Variants in SMG1 observed in about 807,000 individuals in gnomAD.
The protein encoded by SMG1 is SMG1 nonsense mediated mRNA decay associated PI3K related kinase, also known as serine/threonine-protein kinase SMG1.
SMG1 carries 22 observed loss-of-function variants against 419.9 expected under a neutral mutation model. The ratio of observed to expected loss-of-function variants is 0.05; its 90% confidence interval spans 0.04 to 0.07. SMG1 has a LOEUF of 0.07. Ranked by LOEUF, SMG1 falls within the 10% of genes least tolerant of loss-of-function variation. The pLI is 1.00. For missense variants in SMG1, 3,185 were observed against 4,342.0 expected, an observed-to-expected ratio of 0.73 and a Z score of 7.49; for synonymous variants, 1,538 against 1,553.5, an observed-to-expected ratio of 0.99 and a Z score of 0.23.
At chr16:18,837,818 G>A (rs2033675609) in intron 45 of SMG1, among the ~76,000 whole-genome samples, 196 bp downstream of exon 45, 1 of 152,174 alleles carries the variant, frequency 6.6e-6, no homozygotes, top group Admixed American at 6.5e-5. Context: ...AGTGTGGAAT[G>A]TAACTGTGCA....
Position 18,865,642 on chromosome 16 carries a change from G to A in SMG1, c.3350+979C>T, listed in dbSNP as rs1335695657. ...ACAAATCTTTATTAAAAATAACACT[G>A]TAGAATATTTAACATGGCAATTTTT... On this transcript the variant is annotated intron_variant, in intron 23 of 62. Transcript: ENST00000446231. Among the ~76,000 whole-genome samples, 3 of 150,630 alleles carry A rather than the reference G, an allele frequency of 2.0e-5. No homozygotes were observed. The East Asian group carries it at 5.8e-4, about 29-fold the overall frequency.
At chr16:18,821,545 G>A (rs1261241731) in intron 55 of SMG1, among the ~76,000 whole-genome samples, 1 of 3,164 alleles carries the variant, frequency 3.2e-4, no homozygotes, top group East Asian at 1.8e-3. Context: ...GAGAATGATG[G>A]TTTCCAATTT....
At chr16:18,910,363 T>C (rs1020197238) in intron 1 of SMG1, among the ~76,000 whole-genome samples, 1 of 151,832 alleles carries the variant, frequency 6.6e-6, no homozygotes, top group Non-Finnish European at 1.5e-5. Context: ...CCCAAATAGC[T>C]GGGATTACAG....
chr16:18,919,230 G>C (rs2038091244), intron 1 of SMG1, among the ~76,000 whole-genome samples: 1 of 152,024 alleles, frequency 6.6e-6, no homozygotes, highest in African/African-American at 2.4e-5. Context: ...GGGAGGCTGA[G>C]GTAGGAGAAT....
At position 18,841,708 on chromosome 16, in the gene SMG1, T is replaced by C; in HGVS notation, c.6553A>G (p.Thr2185Ala). Residue 2185 changes from threonine to alanine, a missense_variant, in exon 41 of 63, where the codon ACA (threonine) becomes GCA (alanine). Around this residue, in one of 27 missense-constraint regions of SMG1, gnomAD observed 35 missense variants for 33.8 expected, o/e 1.04. Transcript: ENST00000446231. ...TAGTGTCGAGCATGGAACCGGGGTGTTTCTTGGCGATTAATTGTAGCAAAC... is the reference window on the plus strand; with the variant it reads ...TAGTGTCGAGCATGGAACCGGGGTGCTTCTTGGCGATTAATTGTAGCAAAC... ...TMFATINRQETPRFHARHYSV... is the reference protein window; with the variant it reads ...TMFATINRQEAPRFHARHYSV... The C allele has an allele frequency of 6.2e-7, 1 of 1,613,974 alleles. No homozygotes were observed. Among genetic ancestry groups the C allele is most frequent in the Non-Finnish European group, 8.5e-7 (1 of 1,179,882 alleles).
At chr16:18,898,177 T>C (rs2037209605) in intron 1 of SMG1, among the ~76,000 whole-genome samples, 1 of 152,208 alleles carries the variant, frequency 6.6e-6, no homozygotes, top group Non-Finnish European at 1.5e-5. Flanking sequence ...TGATCTGCAC[T>C]TACTGCAATC....
chr16:18,835,071 G>T lies in SMG1; in HGVS notation c.8151C>A (p.Ile2717=), dbSNP rs767168448. 6.2e-7 allele frequency: 1 copy of T among 1,614,000 alleles called. No individual in the cohort carries two copies. The highest frequency in any genetic ancestry group is 8.5e-7 in the Non-Finnish European group (1 of 1,179,896). ...EMTLQRYAAD[I]NSRLIRQVER... ...CCACTTGTCTAATAAGTCTGCTGTTGATGTCTGCTGCGTATCGCTGCAGGG... is the reference window on the plus strand; with the variant it reads ...CCACTTGTCTAATAAGTCTGCTGTTTATGTCTGCTGCGTATCGCTGCAGGG... The change falls in exon 49 of 63, where the codon ATC becomes ATA. Residue 2717 remains isoleucine, a synonymous_variant. Coordinates refer to ENST00000446231, the MANE Select transcript of SMG1 (RefSeq NM_015092.5).
chr16:18,922,064 A>G (rs1258358098), intron 1 of SMG1, among the ~76,000 whole-genome samples: 6 of 152,222 alleles, frequency 3.9e-5, no homozygotes, highest in Non-Finnish European at 5.9e-5. Flanking sequence ...TGTTGACTTG[A>G]ATGCCTTCTC....
At chr16:18,898,890 C>T (rs1406229875) in intron 1 of SMG1, among the ~76,000 whole-genome samples, 1 of 152,196 alleles carries the variant, frequency 6.6e-6, no homozygotes, top group East Asian at 1.9e-4. Flanking sequence ...CAAATCCCAG[C>T]TCCAGCACTG....
At position 18,809,348 on chromosome 16, in the gene SMG1, C is replaced by G; in HGVS notation, c.*221G>C. ...CAGGCGGTGAGCTTGCTTTCCTTCA[C>G]CCTTGACCCTGGGGTTGCAGGCCAT... On this transcript the variant is annotated 3_prime_UTR_variant, in exon 63 of 63. Coordinates refer to ENST00000446231, the MANE Select transcript of SMG1 (RefSeq NM_015092.5). 1 of 533,522 alleles carries G rather than the reference C, an allele frequency of 1.9e-6. No homozygotes were observed. Among genetic ancestry groups the G allele is most frequent in the Non-Finnish European group, 3.5e-6 (1 of 286,642 alleles). The allele number at this position is 533,522 out of a possible 1,614,324, so 33.0% of individuals were successfully genotyped here.
Position 18,815,525 on chromosome 16 carries a change from T to G in SMG1, c.10429A>C (p.Met3477Leu). ...QTVLFTLVQA[M>L]GQVRSQEHVE... ...TGTTCTTGACTTCGAACCTGACCCA[T>G]AGCCTGGACTAATGTAAATAGAACT... is the stretch of plus-strand genomic sequence containing the variant. The change falls in exon 59 of 63, where the codon ATG (methionine) becomes CTG (leucine). Residue 3477 changes from methionine to leucine, a missense_variant. Physicochemically the swap from Met to Leu is conservative, Grantham distance 15. Around this residue, in one of 27 missense-constraint regions of SMG1, gnomAD observed 737 missense variants for 846.6 expected, o/e 0.87. Coordinates refer to ENST00000446231, the MANE Select transcript of SMG1 (RefSeq NM_015092.5). 6.2e-7 allele frequency: 1 copy of G among 1,613,990 alleles called. No individual in the cohort carries two copies. The highest frequency in any genetic ancestry group is 8.5e-7 in the Non-Finnish European group (1 of 1,179,876).
At chr16:18,837,020 C>T (rs1054381791) in intron 46 of SMG1, among the ~76,000 whole-genome samples, 3 of 152,192 alleles carry the variant, frequency 2.0e-5, no homozygotes, top group African/African-American at 7.2e-5. Context: ...GTTCTAACCA[C>T]TACACCCACC....
At position 18,812,127 on chromosome 16, in the gene SMG1, G is replaced by C; in HGVS notation, c.10622C>G (p.Ala3541Gly). The change falls in exon 61 of 63, where the codon GCA becomes GGA. Residue 3541 changes from alanine (A) to glycine (G), a missense_variant and splice_region_variant. By Grantham distance (60) the Ala-to-Gly change is moderately conservative. Transcript: ENST00000446231. ...CTTCTGGCCAGTGTTACTCCGGACT[G>C]CTACAGAGAAAGAGTTGGTGGCTCA... is the stretch of plus-strand genomic sequence containing the variant. ...SATYQPSFAA[A>G]VRSNTGQKTQ... The C allele has an allele frequency of 6.2e-7, 1 of 1,609,186 alleles. No individual in the cohort carries two copies. The highest frequency in any genetic ancestry group is 8.5e-7 in the Non-Finnish European group (1 of 1,177,626).
Position 18,871,453 on chromosome 16 carries a change from G to T in SMG1, c.2213C>A (p.Ala738Glu). The T allele has an allele frequency of 6.3e-7, 1 of 1,597,998 alleles. No individual in the cohort carries two copies. Residue 738 changes from alanine to glutamate, a missense_variant, in exon 16 of 63, where the codon GCA (alanine) becomes GAA (glutamate). This residue lies in a region of SMG1 where 297 missense variants were observed against 491.0 expected (regional missense o/e 0.60). Transcript: ENST00000446231. ...TTCAGACTTCTTCATTAAAACAGCTGCTTCCAAAGCCCAAGTCATTAACAG... is the reference window on the plus strand; with the variant it reads ...TTCAGACTTCTTCATTAAAACAGCTTCTTCCAAAGCCCAAGTCATTAACAG... ...RKLLMTWALEAAVLMKKSETY... is the reference protein window; with the variant it reads ...RKLLMTWALEEAVLMKKSETY...
Position 18,833,287 on chromosome 16 carries a change from G to C in SMG1, c.8566-121C>G, listed in dbSNP as rs2033333833. 25 of 618,428 alleles carry C rather than the reference G, an allele frequency of 4.0e-5. No homozygotes were observed. The South Asian group carries it at 5.0e-4, about 12-fold the overall frequency. The allele number at this position is 618,428 out of a possible 1,614,324, so 38.3% of individuals were successfully genotyped here. A position where few individuals can be genotyped will look rare whatever the true frequency, so the allele number is the denominator to read the frequency against. On this transcript the variant is annotated intron_variant, in intron 50 of 62. Coordinates refer to ENST00000446231, the MANE Select transcript of SMG1 (RefSeq NM_015092.5). ...GTAACTATGCCATCAACTCATTCAT[G>C]TAAGTACATCTTTTGTTTACTTTTT...
At position 18,835,965 on chromosome 16, in the gene SMG1, G is replaced by A; in HGVS notation, c.8025C>T (p.Thr2675=). The A allele has an allele frequency of 6.4e-6, 10 of 1,553,280 alleles. No individual in the cohort carries two copies. Among genetic ancestry groups the A allele is most frequent in the Non-Finnish European group, 8.7e-6 (10 of 1,147,616 alleles). The part of the protein sequence containing the change: ...KTWMEELICN[T]TVERCQELYR... ...AGAGCTCTTGACAACGCTCTACTGT[G>A]GTGTTACAGATGAGCTCTTCCATCC... Residue 2675 remains threonine, a synonymous_variant, in exon 48 of 63, where the codon ACC becomes ACT. Transcript: ENST00000446231.
At chr16:18,870,057 T>A in intron 18 of SMG1, 63 bp from the exon 19 acceptor site, 1 of 1,066,974 alleles carries the variant, frequency 9.4e-7, no homozygotes, top group Non-Finnish European at 1.3e-6. Flanking sequence ...GCACATACTG[T>A]AAGTGGATTA....
At position 18,871,371 on chromosome 16, in the gene SMG1, TA is replaced by T; in HGVS notation, c.2294del (p.Leu765Ter). Reference sequence around the variant, plus strand: ...AAAAAAACAGAGTCTTACTGTTGGCTAAAAGGCCTTTGCAAAATTTATGGAA... The same window carrying T: ...AAAAAAACAGAGTCTTACTGTTGGCTAAAGGCCTTTGCAAAATTTATGGAA... ...PSFHKFCKGL[L>X]ANTLVEDVNI... On this transcript the variant is annotated frameshift_variant, in exon 16 of 63. Coordinates refer to ENST00000446231, the MANE Select transcript of SMG1 (RefSeq NM_015092.5). LOFTEE classifies it high-confidence loss of function. 6.6e-7 allele frequency: 1 copy of T among 1,513,134 alleles called. No individual in the cohort carries two copies. Among genetic ancestry groups the T allele is most frequent in the Admixed American group, 2.1e-5 (1 of 48,556 alleles). 93.7% of individuals were successfully genotyped at this position (1,513,134 alleles called of 1,614,324 possible). A position where few individuals can be genotyped will look rare whatever the true frequency, so the allele number is the denominator to read the frequency against.
At chr16:18,908,871 C>A (rs1240533870) in intron 1 of SMG1, among the ~76,000 whole-genome samples, 3 of 150,456 alleles carry the variant, frequency 2.0e-5, no homozygotes, top group African/African-American at 7.3e-5. Flanking sequence ...CACAGCGAGA[C>A]TCCGCCTCAA....
Sources: allele counts gnomAD v4.1 joint callset (sites outside exome capture counted in the v4.1 genomes callset), GRCh38; gene constraint gnomAD v4.1.1; regional missense constraint gnomAD v4.1.1; transcripts MANE v1.5; gene names NCBI Gene and HGNC (gene_info 2026-07-23, HGNC 2026-07-21).